TSC1: variants seen among roughly 807,000 people sequenced by gnomAD.
The protein encoded by TSC1 is TSC complex subunit 1, also known as hamartin.
Under a neutral mutation model 124.3 loss-of-function variants are expected in TSC1, and 20 were observed. The ratio of observed to expected loss-of-function variants is 0.16; its 90% CI spans 0.11 to 0.23. The LOEUF is 0.23. Among genes scored for constraint, TSC1 ranks in the 10% least tolerant of loss-of-function variants. TSC1 has a pLI of 1.00. For synonymous variants in TSC1, 493 were observed against 539.1 expected, an observed-to-expected ratio of 0.91 and a Z score of 1.19; for missense variants, 1,124 against 1,448.5, an observed-to-expected ratio of 0.78 and a Z score of 3.64.
chr9:132,927,080 G>T, intron 4 of TSC1, 121 bp downstream of exon 4: 1 of 921,638 alleles, frequency 1.1e-6, no homozygotes, highest in Non-Finnish European at 1.7e-6. Flanking sequence ...TGGGAACAAT[G>T]TCATCAGTGG....
chr9:132,912,643 C>G lies in TSC1; in HGVS notation c.738-186G>C, dbSNP rs1214595694. On this transcript the variant is annotated intron_variant, in intron 8 of 22. Transcript: ENST00000298552. ...CATTCATTTTACAATCCTATACCTTCCCTGTTTAAAATGGTTATATCAAGT... is the reference window on the plus strand; with the variant it reads ...CATTCATTTTACAATCCTATACCTTGCCTGTTTAAAATGGTTATATCAAGT... The G allele has an allele frequency of 6.2e-6, 4 of 645,488 alleles. No individual in the cohort carries two copies. In the African/African-American group the frequency reaches 7.3e-5, roughly 12 times the overall value. 40.0% of individuals were successfully genotyped at this position (645,488 alleles called of 1,614,324 possible).
intron 20 of TSC1, chr9:132,899,559 C>G (rs1035114856): frequency 6.6e-6 from 1 of 152,260 alleles, no homozygotes; most frequent in African/African-American, 2.4e-5. Flanking sequence ...TAGGCTTGGT[C>G]TAGAACTTCT....
intron 20 of TSC1, 184 bp downstream of exon 20, chr9:132,900,531 A>C: frequency 1.1e-6 from 1 of 907,338 alleles, no homozygotes; most frequent in Non-Finnish European, 1.7e-6. Context: ...GCAACCCAAT[A>C]GGAGAAACAA....
At chr9:132,913,615 G>A (rs1481860307) in intron 8 of TSC1, among the ~76,000 whole-genome samples, 6 of 151,986 alleles carry the variant, frequency 3.9e-5, no homozygotes, top group South Asian at 2.1e-4. Flanking sequence ...TCACAAGGTC[G>A]AGAGATTGAG....
chr9:132,927,111 A>T, intron 4 of TSC1, 90 bp downstream of exon 4: 1 of 1,255,576 alleles, frequency 8.0e-7, no homozygotes, highest in Non-Finnish European at 1.1e-6. Context: ...TCAAAAGAAT[A>T]AGCTCAGGAC....
intron 2 of TSC1, among the ~76,000 whole-genome samples, chr9:132,929,449 T>A (rs1847085811): frequency 1.3e-5 from 2 of 152,302 alleles, no homozygotes; most frequent in South Asian, 4.1e-4. Context: ...CTGGGGATCA[T>A]TTCTCTGTTT....
In TSC1 at chr9:132,935,114, T is replaced by G. The variant is rs1044753059; in HGVS notation, c.-143-19A>C. 2.5e-6 allele frequency: 1 copy of G among 398,902 alleles called. No homozygotes were observed. Among genetic ancestry groups the G allele is most frequent in the Admixed American group, 4.4e-5 (1 of 22,712 alleles). The allele number at this position is 398,902 out of a possible 1,614,324, so 24.7% of individuals were successfully genotyped here. The stretch of plus-strand genomic sequence containing the variant: ...ATGGTCACTGAAGGAAGAAAACATA[T>G]GTACAATGAAGCAAAATCCCAGATG... On this transcript the variant is annotated intron_variant, in intron 1 of 22. Coordinates refer to ENST00000298552, the MANE Select transcript of TSC1 (RefSeq NM_000368.5).
rs1845931311 is a variant in TSC1 at position 132,911,071 on chromosome 9, G to C, written c.1072C>G (p.Pro358Ala). 6.2e-7 allele frequency: 1 copy of C among 1,614,070 alleles called. No homozygotes were observed. The highest frequency in any genetic ancestry group is 8.5e-7 in the Non-Finnish European group (1 of 1,180,036). ...GGGACATTTCCAGGAGAAGTTGGAG[G>C]AGTGGTCATACCACAAACCATAGAT... ...SPSMVCGMTT[P>A]PTSPGNVPPD... The change falls in exon 11 of 23, where the codon CCT becomes GCT. Residue 358 changes from proline to alanine, a missense_variant. Coordinates refer to ENST00000298552, the MANE Select transcript of TSC1 (RefSeq NM_000368.5).
chr9:132,913,825 CA>C (rs374309550), intron 8 of TSC1, among the ~76,000 whole-genome samples: 1,292 of 33,654 alleles, frequency 0.038, 11 homozygotes, highest in African/African-American at 0.12. Flanking sequence ...GACTCCGTCT[CA>C]AAAAAAAAAA....
intron 16 of TSC1, 62 bp downstream of exon 16, chr9:132,904,349 A>G (rs1845536505): frequency 8.8e-6 from 14 of 1,590,318 alleles, no homozygotes; most frequent in Non-Finnish European, 1.1e-5. Context: ...TCAAGGACAG[A>G]AAGGGCAACA....
rs118203623 is a variant in TSC1, at chr9:132,904,413, C to T, written c.2039G>A (p.Gly680Glu). The change falls in exon 16 of 23, where the codon GGA becomes GAA. Residue 680 changes from glycine (G) to glutamate (E), a missense_variant and splice_region_variant. Transcript: ENST00000298552. ...PSKSVDWTHF[G>E]GSPPSDEIRT... ...TGGAGCTAAAGTAACAACTTTACCT[C>T]CAAAGTGGGTCCAGTCGACAGACTT... 3.7e-6 allele frequency: 6 copies of T among 1,613,964 alleles called. No individual in the cohort carries two copies. Among genetic ancestry groups the T allele is most frequent in the Non-Finnish European group, 4.2e-6 (5 of 1,179,986 alleles).
intron 1 of TSC1, among the ~76,000 whole-genome samples, chr9:132,936,713 C>A (rs941318693): frequency 2.6e-5 from 4 of 152,190 alleles, no homozygotes; most frequent in Non-Finnish European, 5.9e-5. Flanking sequence ...CACCTAGGGC[C>A]TATCCTGGCA....
In TSC1 at chr9:132,897,427, C is replaced by A. The variant is rs1845136006; in HGVS notation, c.2809G>T (p.Ala937Ser). Residue 937 changes from alanine (A) to serine (S), a missense_variant, in exon 21 of 23, where the codon GCA becomes TCA. By Grantham distance (99) the Ala-to-Ser change is moderately conservative. Around this residue, in one of 5 missense-constraint regions of TSC1, gnomAD observed 325 missense variants for 383.4 expected, o/e 0.85. Coordinates refer to ENST00000298552, the MANE Select transcript of TSC1 (RefSeq NM_000368.5). ...GCCTTTCCTGATGAAAGTTACCTTG[C>A]CTGGAGTTTGACATCCTCTAGATAT... ...KKYLEDVKLQ[A>S]RGQLQAAESR... 1 of 1,614,124 alleles carries A rather than the reference C, an allele frequency of 6.2e-7. No homozygotes were observed. Among genetic ancestry groups the A allele is most frequent in the South Asian group, 1.1e-5 (1 of 91,074 alleles).
chr9:132,908,901 C>CTTT (rs35234317), intron 12 of TSC1, among the ~76,000 whole-genome samples: 41 of 121,526 alleles, frequency 3.4e-4, no homozygotes, highest in Admixed American at 1.8e-3. Context: ...CTACCTTGCA[C>CTTT]TTTTTTTTTT....
chr9:132,938,003 C>T (rs1847552200), intron 1 of TSC1, among the ~76,000 whole-genome samples: 1 of 152,050 alleles, frequency 6.6e-6, no homozygotes, highest in Non-Finnish European at 1.5e-5. Flanking sequence ...GGCGTGAGCC[C>T]CCACCCCCTG....
At position 132,928,776 on chromosome 9, in the gene TSC1, G is replaced by A. The variant is rs1847031671; in HGVS notation, c.97C>T (p.Leu33Phe). 3 of 1,614,112 alleles carry A rather than the reference G, an allele frequency of 1.9e-6. No homozygotes were observed. The highest frequency in any genetic ancestry group is 2.5e-6 in the Non-Finnish European group (3 of 1,180,010). ...DDVTAVFKENLNSDRGPMLVN... is the reference protein window; with the variant it reads ...DDVTAVFKENFNSDRGPMLVN... ...ATATTATTTTGCTAACCAGAATTGA[G>A]GTTCTCTTTAAAGACAGCTGTCACG... The change falls in exon 3 of 23, where the codon CTC becomes TTC. Residue 33 changes from leucine (L) to phenylalanine (F), a missense_variant. Coordinates refer to ENST00000298552, the MANE Select transcript of TSC1 (RefSeq NM_000368.5).
chr9:132,901,274 G>C (rs1845358332), intron 19 of TSC1, among the ~76,000 whole-genome samples: 2 of 152,374 alleles, frequency 1.3e-5, no homozygotes, highest in South Asian at 4.1e-4. Flanking sequence ...AAGGTATGAA[G>C]AAAGAGTTCC....
chr9:132,896,020 G>A lies in TSC1; in HGVS notation c.*215C>T, dbSNP rs1845012543. 3.1e-6 allele frequency: 2 copies of A among 637,804 alleles called. No homozygotes were observed. The highest frequency in any genetic ancestry group is 5.5e-6 in the Non-Finnish European group (2 of 361,896). 39.5% of individuals were successfully genotyped at this position (637,804 alleles called of 1,614,324 possible). ...GAACACACTGCGAGGTAAATGAGAG[G>A]GGGTTAGGGCGGGTGGAGGGGAAGG... On this transcript the variant is annotated 3_prime_UTR_variant, in exon 23 of 23. Coordinates refer to ENST00000298552, the MANE Select transcript of TSC1 (RefSeq NM_000368.5). This position sits in a 1 kb window ranked among gnomAD's most constrained non-coding sequence, Gnocchi z 4.5.
In TSC1 at chr9:132,892,837, A is replaced by T. The variant is rs1844841731; in HGVS notation, c.*3398T>A. ...AGTGAGTCTGAGCCTCTGTGGTCTC[A>T]GAGATCCTTTCATCCCCATGACCAT... is the stretch of plus-strand genomic sequence containing the variant. On this transcript the variant is annotated 3_prime_UTR_variant, in exon 23 of 23. Coordinates refer to ENST00000298552, the MANE Select transcript of TSC1 (RefSeq NM_000368.5). 4.3e-6 allele frequency: 1 copy of T among 233,180 alleles called. No homozygotes were observed. The highest frequency in any genetic ancestry group is 8.5e-6 in the Non-Finnish European group (1 of 118,060). 14.4% of individuals were successfully genotyped at this position (233,180 alleles called of 1,614,324 possible). A position where few individuals can be genotyped will look rare whatever the true frequency, so the allele number is the denominator to read the frequency against.
Sources: allele counts gnomAD v4.1 joint callset (sites outside exome capture counted in the v4.1 genomes callset), GRCh38; gene constraint gnomAD v4.1.1; regional missense constraint gnomAD v4.1.1; non-coding constraint Gnocchi (gnomAD v3.1); transcripts MANE v1.5; gene names NCBI Gene and HGNC (gene_info 2026-07-23, HGNC 2026-07-21).